CCDC34: variants seen among roughly 807,000 people sequenced by gnomAD.
CCDC34 encodes coiled-coil domain-containing protein 34.
A neutral mutation model predicts 44.1 loss-of-function variants in CCDC34; 40 were observed. That is an observed-to-expected ratio of 0.91 (90% confidence interval 0.70 to 1.18). The LOEUF (loss-of-function observed/expected upper bound fraction) is 1.18. Ranked by LOEUF, CCDC34 falls within the 50% of genes most tolerant of loss-of-function variation. The pLI, the probability that CCDC34 is intolerant of heterozygous loss-of-function variation, is 0.00. For missense variants in CCDC34, 466 were observed against 452.3 expected, an observed-to-expected ratio of 1.03 and a Z score of -0.28; for synonymous variants, 159 against 158.2, an observed-to-expected ratio of 1.01 and a Z score of -0.04.
At chr11:27,342,796 A>G (rs1045436322) in intron 3 of CCDC34, among the ~76,000 whole-genome samples, 8 of 152,252 alleles carry the variant, frequency 5.3e-5, no homozygotes, top group African/African-American at 1.9e-4. Flanking sequence ...GACACAGACT[A>G]TAACTCAATA....
intron 1 of CCDC34, among the ~76,000 whole-genome samples, chr11:27,358,503 A>C (rs1467264015): frequency 6.6e-6 from 1 of 152,164 alleles, no homozygotes; most frequent in East Asian, 1.9e-4. Flanking sequence ...TACTTCATAG[A>C]TTCAGCTTAC....
At chr11:27,340,392 T>A (rs77690828) in intron 5 of CCDC34, among the ~76,000 whole-genome samples, 69 of 152,314 alleles carry the variant, frequency 4.5e-4, no homozygotes, top group African/African-American at 1.6e-3. Flanking sequence ...AAATATATCC[T>A]GATTAAGGCT....
At position 27,357,527 on chromosome 11, in the gene CCDC34, G is replaced by A; in HGVS notation, c.374C>T (p.Ser125Leu). 2.5e-6 allele frequency: 4 copies of A among 1,613,824 alleles called. No homozygotes were observed. The highest frequency in any genetic ancestry group is 3.4e-6 in the Non-Finnish European group (4 of 1,179,868). ...TTTCTGTTCTTCTTGGTTATTTTCT[G>A]ATTCAACCTGAGTGCTACAAAAGAG... is the stretch of plus-strand genomic sequence containing the variant. ...LQGCASTQVE[S>L]ENNQEEQKQV... The change falls in exon 2 of 6, where the codon TCA becomes TTA. Residue 125 changes from serine to leucine, a missense_variant. Ser to Leu is a moderately radical substitution (Grantham distance 145). Transcript: ENST00000328697.
chr11:27,343,056 C>T (rs1862383217), intron 3 of CCDC34, among the ~76,000 whole-genome samples: 1 of 152,108 alleles, frequency 6.6e-6, no homozygotes, highest in Non-Finnish European at 1.5e-5. Flanking sequence ...CAACAAACAT[C>T]AGTTATAGAC....
intron 1 of CCDC34, among the ~76,000 whole-genome samples, chr11:27,360,345 C>T (rs1161092793): frequency 6.6e-6 from 1 of 152,214 alleles, no homozygotes; most frequent in African/African-American, 2.4e-5. Context: ...GACCAATACC[C>T]TTGAAGGTCA....
In CCDC34 at chr11:27,338,514, C is replaced by T. The variant is rs1405201603; in HGVS notation, c.*307G>A. 3.8e-6 allele frequency: 1 copy of T among 264,014 alleles called. No homozygotes were observed. The highest frequency in any genetic ancestry group is 7.0e-6 in the Non-Finnish European group (1 of 142,482). The allele number at this position is 264,014 out of a possible 1,614,324, so 16.4% of individuals were successfully genotyped here. A position where few individuals can be genotyped will look rare whatever the true frequency, so the allele number is the denominator to read the frequency against. On this transcript the variant is annotated 3_prime_UTR_variant, in exon 6 of 6. Coordinates refer to ENST00000328697, the MANE Select transcript of CCDC34 (RefSeq NM_030771.2). ...AAACTAGTAACAATATAAAACAATA[C>T]AAGAAAAATTGTTAGTTTTATTGGT...
rs200310857 is a variant in CCDC34, at chr11:27,338,961, G to A, written c.982C>T (p.Pro328Ser). Residue 328 changes from proline to serine, a missense_variant, in exon 6 of 6, where the codon CCT (proline) becomes TCT (serine). By Grantham distance (74) the Pro-to-Ser change is moderately conservative. Transcript: ENST00000328697. ...PIPWKPIHMPPPKEAKDLSGR... is the reference protein window; with the variant it reads ...PIPWKPIHMPSPKEAKDLSGR... ...GATAGATCCTTAGCTTCTTTGGGAGGTGGCATATGAATTGGTTTCCACGGA... is the reference window on the plus strand; with the variant it reads ...GATAGATCCTTAGCTTCTTTGGGAGATGGCATATGAATTGGTTTCCACGGA... 47 of 1,613,718 alleles carry A rather than the reference G, an allele frequency of 2.9e-5. No individual in the cohort carries two copies. The highest frequency in any genetic ancestry group is 3.8e-5 in the Non-Finnish European group (45 of 1,179,922).
At chr11:27,354,035 T>C (rs1270275570) in intron 2 of CCDC34, among the ~76,000 whole-genome samples, 2 of 151,814 alleles carry the variant, frequency 1.3e-5, no homozygotes, top group Non-Finnish European at 2.9e-5. Context: ...TACAGAAAAA[T>C]AAGGAAAACA....
intron 3 of CCDC34, 128 bp downstream of exon 3, chr11:27,350,204 A>G: frequency 6.3e-7 from 1 of 1,577,968 alleles, no homozygotes; most frequent in South Asian, 1.2e-5. Flanking sequence ...CAGGATAGAA[A>G]AACAAAACAA....
chr11:27,338,789 TC>T lies in CCDC34; in HGVS notation c.*31del. 1.3e-6 allele frequency: 2 copies of T among 1,533,200 alleles called. No homozygotes were observed. The highest frequency in any genetic ancestry group is 1.8e-6 in the Non-Finnish European group (2 of 1,112,060). The allele number at this position is 1,533,200 out of a possible 1,614,324, so 95.0% of individuals were successfully genotyped here. A position where few individuals can be genotyped will look rare whatever the true frequency, so the allele number is the denominator to read the frequency against. On this transcript the variant is annotated 3_prime_UTR_variant, in exon 6 of 6. Transcript: ENST00000328697. The stretch of plus-strand genomic sequence containing the variant: ...ATTTCTGATTTTTAAATTAAATAGC[TC>T]CAGATAAAAGCATGTTATTTTCCAC...
At chr11:27,361,168 G>C (rs1221667881) in intron 1 of CCDC34, among the ~76,000 whole-genome samples, 1 of 152,170 alleles carries the variant, frequency 6.6e-6, no homozygotes, top group Non-Finnish European at 1.5e-5. Flanking sequence ...CTACTCCTTT[G>C]ATTCATAGGG....
chr11:27,363,175 C>G lies in CCDC34; in HGVS notation c.20G>C (p.Trp7Ser), dbSNP rs763198870. The change falls in exon 1 of 6, where the codon TGG (tryptophan) becomes TCG (serine). Residue 7 changes from tryptophan to serine, a missense_variant. Physicochemically the swap from Trp to Ser is radical, Grantham distance 177. Coordinates refer to ENST00000328697, the MANE Select transcript of CCDC34 (RefSeq NM_030771.2). MWAAGR[W>S]GPTFPSSYAG... is the part of the protein sequence containing the mutation. Reference sequence around the variant, plus strand: ...GTAGGAAGAGGGAAAAGTAGGCCCCCAGCGCCCCGCCGCCCACATCTGGCC... The same window carrying G: ...GTAGGAAGAGGGAAAAGTAGGCCCCGAGCGCCCCGCCGCCCACATCTGGCC... 1.3e-6 allele frequency: 2 copies of G among 1,489,220 alleles called. No homozygotes were observed. The highest frequency in any genetic ancestry group is 1.8e-6 in the Non-Finnish European group (2 of 1,126,014). 92.3% of individuals were successfully genotyped at this position (1,489,220 alleles called of 1,614,324 possible). A position where few individuals can be genotyped will look rare whatever the true frequency, so the allele number is the denominator to read the frequency against.
rs1449345305 is a variant in CCDC34 at position 27,363,031 on chromosome 11, AGCG to A, written c.161_163del (p.Pro54del). 1 of 1,614,136 alleles carries A rather than the reference AGCG, an allele frequency of 6.2e-7. No individual in the cohort carries two copies. The highest frequency in any genetic ancestry group is 1.3e-5 in the African/African-American group (1 of 75,064). The stretch of plus-strand genomic sequence containing the variant: ...GGTGGAATTGCTGCAGCTCAGCGGC[AGCG>A]GCGGCGACGGCGAGCGCACCACCTC... On this transcript the variant is annotated inframe_deletion, in exon 1 of 6. Transcript: ENST00000328697.
At chr11:27,345,862 C>T (rs1230501451) in intron 3 of CCDC34, among the ~76,000 whole-genome samples, 1 of 152,182 alleles carries the variant, frequency 6.6e-6, no homozygotes, top group East Asian at 1.9e-4. Context: ...AATTGCCACA[C>T]TGACTTCCAC....
chr11:27,341,345 T>C, intron 4 of CCDC34, 47 bp downstream of exon 4: 6 of 1,187,764 alleles, frequency 5.1e-6, no homozygotes, highest in Non-Finnish European at 7.0e-6. Flanking sequence ...TTGACACATA[T>C]GAACACCAAA....
intron 3 of CCDC34, among the ~76,000 whole-genome samples, chr11:27,344,733 T>C (rs1862410059): frequency 6.6e-6 from 1 of 152,056 alleles, no homozygotes; most frequent in Admixed American, 6.6e-5. Flanking sequence ...TAAAATTTGA[T>C]ATTATTAAGA....
intron 1 of CCDC34, among the ~76,000 whole-genome samples, chr11:27,361,717 T>C (rs1230844016): frequency 3.3e-5 from 5 of 152,208 alleles, no homozygotes; most frequent in Admixed American, 1.3e-4. Context: ...ATGGGTTCCA[T>C]ATTCCATTCA....
At chr11:27,342,460 G>A (rs1862375837) in intron 3 of CCDC34, among the ~76,000 whole-genome samples, 1 of 151,476 alleles carries the variant, frequency 6.6e-6, no homozygotes, top group Non-Finnish European at 1.5e-5. Context: ...TTTGCCATCA[G>A]TGAATTAAGA....
intron 2 of CCDC34, 44 bp from the exon 3 acceptor site, chr11:27,350,483 C>T (rs752336618): frequency 1.3e-6 from 2 of 1,508,476 alleles, no homozygotes. Context: ...AATAGAAGTA[C>T]CCAAATAACA....
Sources: allele counts gnomAD v4.1 joint callset (sites outside exome capture counted in the v4.1 genomes callset), GRCh38; gene constraint gnomAD v4.1.1; transcripts MANE v1.5; gene names NCBI Gene and HGNC (gene_info 2026-07-23, HGNC 2026-07-21).